Variants in FAM135B observed in about 807,000 individuals in gnomAD.
FAM135B encodes family with sequence similarity 135 member B.
In FAM135B, 43 loss-of-function variants were observed where a neutral mutation model predicts 127.7. That is an observed-to-expected ratio of 0.34 (90% CI 0.26 to 0.43). The LOEUF (loss-of-function observed/expected upper bound fraction) is 0.43. FAM135B is among the 20% of genes least tolerant of loss of function. The pLI, the probability that FAM135B is intolerant of heterozygous loss-of-function variation, is 1.00. For synonymous variants in FAM135B, 670 were observed against 665.1 expected, an observed-to-expected ratio of 1.01 and a Z score of -0.11; for missense variants, 1,558 against 1,725.6, an observed-to-expected ratio of 0.90 and a Z score of 1.72.
intron 1 of FAM135B, among the ~76,000 whole-genome samples, chr8:138,463,608 C>T (rs1013677127): frequency 2.0e-5 from 3 of 152,024 alleles, no homozygotes; most frequent in Admixed American, 6.5e-5. Flanking sequence ...GAACGTAAAG[C>T]GCTCCACAAA....
chr8:138,399,008 G>T (rs1182835535), intron 1 of FAM135B, among the ~76,000 whole-genome samples: 7 of 152,112 alleles, frequency 4.6e-5, no homozygotes, highest in African/African-American at 1.7e-4. Flanking sequence ...ACAATACCTT[G>T]CTTATGCAAA....
intron 11 of FAM135B, among the ~76,000 whole-genome samples, chr8:138,171,950 G>GTGTGTGCATACGAGTGTAGC (rs1459480131): frequency 1.3e-5 from 2 of 152,206 alleles, no homozygotes; most frequent in Non-Finnish European, 2.9e-5. Flanking sequence ...AGGTGTGCAT[G>GTGTGTGCATACGAGTGTAGC]TGTGTGCATA....
chr8:138,244,045 TCC>T (rs1418097650), intron 6 of FAM135B, among the ~76,000 whole-genome samples: 1 of 152,144 alleles, frequency 6.6e-6, no homozygotes, highest in Non-Finnish European at 1.5e-5. Context: ...ATCCAAGAGA[TCC>T]AGGTTCCTGC....
In FAM135B at chr8:138,241,423, A is replaced by G. The variant is rs1266554592; in HGVS notation, c.669+1519T>C. 1.3e-5 allele frequency among the ~76,000 whole-genome samples: 2 copies of G among 152,176 alleles called. No homozygotes were observed. The highest frequency in any genetic ancestry group is 6.5e-5 in the Admixed American group (1 of 15,276). On this transcript the variant is annotated intron_variant, in intron 7 of 19. Coordinates refer to ENST00000395297, the MANE Select transcript of FAM135B (RefSeq NM_015912.4). This position sits in a 1 kb window ranked among gnomAD's most constrained non-coding sequence, Gnocchi z 4.8. ...CCCCATTCTGGCTTCAGGTCCCCTC[A>G]GCAGGTTCTTGACAACTCTTTTCTT...
chr8:138,294,172 A>T (rs1055190147), intron 3 of FAM135B, among the ~76,000 whole-genome samples: 4 of 152,176 alleles, frequency 2.6e-5, no homozygotes, highest in Non-Finnish European at 5.9e-5. Context: ...GTATGTTCTT[A>T]TAAGTGGGAG....
chr8:138,422,800 G>A (rs920514652), intron 1 of FAM135B, among the ~76,000 whole-genome samples: 1 of 152,108 alleles, frequency 6.6e-6, no homozygotes, highest in African/African-American at 2.4e-5. Context: ...CTACTGTAAA[G>A]ACACATATAC....
intron 1 of FAM135B, among the ~76,000 whole-genome samples, chr8:138,465,211 T>C (rs1033606829): frequency 6.6e-6 from 1 of 152,150 alleles, no homozygotes; most frequent in Admixed American, 6.5e-5. Flanking sequence ...TTCATTGAAG[T>C]TGCACGTATC....
chr8:138,386,340 G>A (rs1832218358), intron 1 of FAM135B, among the ~76,000 whole-genome samples: 1 of 152,050 alleles, frequency 6.6e-6, no homozygotes, highest in Non-Finnish European at 1.5e-5. Context: ...CTGAAGGAGA[G>A]AAGGAGACAG....
intron 4 of FAM135B, among the ~76,000 whole-genome samples, chr8:138,263,340 G>A (rs1441204385): frequency 6.6e-6 from 1 of 152,034 alleles, no homozygotes; most frequent in African/African-American, 2.4e-5. Flanking sequence ...AGGAGCCTGG[G>A]GAGTGAACAG....
intron 1 of FAM135B, among the ~76,000 whole-genome samples, chr8:138,413,037 G>C (rs1833946517): frequency 6.6e-6 from 1 of 152,196 alleles, no homozygotes; most frequent in Admixed American, 6.5e-5. Flanking sequence ...TCTCTGTATG[G>C]TTGAGTGACC....
chr8:138,464,630 C>T (rs1192275178), intron 1 of FAM135B, among the ~76,000 whole-genome samples: 3 of 152,066 alleles, frequency 2.0e-5, no homozygotes, highest in Admixed American at 6.5e-5. Context: ...AGTGAAATTC[C>T]GAAATGGAAA....
Position 138,325,097 on chromosome 8 carries a change from T to C in FAM135B, c.78-14177A>G, listed in dbSNP as rs538502757. Among the ~76,000 whole-genome samples, 5 of 144,512 alleles carry C rather than the reference T, an allele frequency of 3.5e-5. No individual in the cohort carries two copies. In the South Asian group the frequency reaches 9.4e-4, roughly 27 times the overall value. The allele number at this position is 144,512 out of a possible 152,430, so 94.8% of individuals were successfully genotyped here. A position where few individuals can be genotyped will look rare whatever the true frequency, so the allele number is the denominator to read the frequency against. On this transcript the variant is annotated intron_variant, in intron 2 of 19. Coordinates refer to ENST00000395297, the MANE Select transcript of FAM135B (RefSeq NM_015912.4). ...TGTGTCTCCTCTGAGGGCTAGAGGA[T>C]TCCCTAGAAATCATTAACCCCCTTA...
At chr8:138,316,825 A>T (rs1827133246) in intron 2 of FAM135B, among the ~76,000 whole-genome samples, 2 of 151,940 alleles carry the variant, frequency 1.3e-5, no homozygotes, top group Admixed American at 6.6e-5. Context: ...CTAAAAATAG[A>T]AAAAGTAAGC....
chr8:138,455,235 T>G (rs935776184), intron 1 of FAM135B, among the ~76,000 whole-genome samples: 1 of 152,228 alleles, frequency 6.6e-6, no homozygotes, highest in Admixed American at 6.5e-5. Flanking sequence ...TTACACTAGC[T>G]CTGCCTGTTT....
intron 2 of FAM135B, among the ~76,000 whole-genome samples, chr8:138,367,644 G>C (rs1830834100): frequency 6.6e-6 from 1 of 152,042 alleles, no homozygotes; most frequent in Admixed American, 6.6e-5. Flanking sequence ...ATTAGAAAGA[G>C]CCACCAAGAA....
intron 2 of FAM135B, among the ~76,000 whole-genome samples, chr8:138,326,417 A>G (rs781106027): frequency 5.8e-4 from 89 of 152,268 alleles, no homozygotes; most frequent in Non-Finnish European, 7.1e-4. Context: ...TTGCATTTGT[A>G]TGGGTTGATT....
intron 9 of FAM135B, among the ~76,000 whole-genome samples, chr8:138,183,698 C>T (rs1035703267): frequency 6.6e-6 from 1 of 152,168 alleles, no homozygotes; most frequent in Non-Finnish European, 1.5e-5. Context: ...CAAGTGCATC[C>T]ACTTACATGA....
intron 2 of FAM135B, among the ~76,000 whole-genome samples, chr8:138,352,731 T>C (rs190565762): frequency 6.6e-6 from 1 of 152,348 alleles, no homozygotes; most frequent in African/African-American, 2.4e-5. Flanking sequence ...TGTTCCCAGC[T>C]ATAAATAAAG....
intron 7 of FAM135B, among the ~76,000 whole-genome samples, chr8:138,207,039 C>A (rs963910604): frequency 1.3e-5 from 2 of 152,116 alleles, no homozygotes; most frequent in Non-Finnish European, 2.9e-5. Flanking sequence ...ATCACAGACA[C>A]ATCTATATGG....
Sources: allele counts gnomAD v4.1 joint callset (sites outside exome capture counted in the v4.1 genomes callset), GRCh38; gene constraint gnomAD v4.1.1; non-coding constraint Gnocchi (gnomAD v3.1); transcripts MANE v1.5; gene names NCBI Gene and HGNC (gene_info 2026-07-23, HGNC 2026-07-21).